The following TRAK2 variants were observed in gnomAD, a reference collection of about 807,000 sequenced individuals.
TRAK2 encodes trafficking kinesin-binding protein 2.
In TRAK2, 81 loss-of-function variants were observed where a neutral mutation model predicts 104.6. The ratio of observed to expected loss-of-function variants is 0.77; its 90% CI spans 0.65 to 0.93. The LOEUF is 0.93. Ranked by LOEUF, TRAK2 falls within the 40% of genes least tolerant of loss-of-function variation. TRAK2 has a pLI of 0.00. For missense variants in TRAK2, 1,002 were observed against 1,089.0 expected (o/e 0.92, Z 1.12); for synonymous variants, 406 against 394.4 (o/e 1.03, Z -0.35).
intron 1 of TRAK2, among the ~76,000 whole-genome samples, chr2:201,446,751 C>CA (rs1411224444): frequency 2.6e-5 from 4 of 152,150 alleles, no homozygotes; most frequent in Non-Finnish European, 5.9e-5. Context: ...AAAAGGTTGT[C>CA]AAAGAATTTG....
Position 201,407,520 on chromosome 2 carries a change from T to G in TRAK2, c.169A>C (p.Lys57Gln). The G allele has an allele frequency of 6.2e-7, 1 of 1,614,162 alleles. No homozygotes were observed. The highest frequency in any genetic ancestry group is 8.5e-7 in the Non-Finnish European group (1 of 1,180,010). ...LEEQLPQYRL[K>Q]VDTLFLYENQ... ...TCATATAGAAAGAGAGTGTCTACTT[T>G]TAGCCTATACTGTGGTAGTTGTTCT... Residue 57 changes from lysine to glutamine, a missense_variant, in exon 3 of 16, where the codon AAA (lysine) becomes CAA (glutamine). By Grantham distance (53) the Lys-to-Gln change is moderately conservative. Transcript: ENST00000332624.
intron 2 of TRAK2, among the ~76,000 whole-genome samples, chr2:201,417,199 A>G (rs983982076): frequency 5.4e-5 from 8 of 147,332 alleles, no homozygotes; most frequent in African/African-American, 1.7e-4. Context: ...TCGTTTTACA[A>G]GGCCAGTATT....
intron 1 of TRAK2, among the ~76,000 whole-genome samples, chr2:201,439,893 A>G (rs1951906460): frequency 7.5e-6 from 1 of 133,080 alleles, no homozygotes; most frequent in South Asian, 2.5e-4. Context: ...ATGAGAAAAC[A>G]TGGACACAGG....
At chr2:201,400,748 A>AT (rs945617497) in intron 4 of TRAK2, among the ~76,000 whole-genome samples, 55 of 150,424 alleles carry the variant, frequency 3.7e-4, no homozygotes, top group Admixed American at 8.0e-4. Context: ...TTTTAAAATG[A>AT]TTTTTTTTTT....
chr2:201,392,815 G>T, intron 10 of TRAK2, 94 bp downstream of exon 10: 1 of 1,250,882 alleles, frequency 8.0e-7, no homozygotes, highest in South Asian at 1.8e-5. Flanking sequence ...CTCTTCTCCA[G>T]ATGTTTTATA....
intron 1 of TRAK2, among the ~76,000 whole-genome samples, chr2:201,422,031 CA>C (rs1951745524): frequency 8.4e-6 from 1 of 119,110 alleles, no homozygotes; most frequent in South Asian, 2.7e-4. Context: ...GCCTGGGTGA[CA>C]GAGCAAGACT....
chr2:201,380,117 G>T lies in TRAK2; in HGVS notation c.*426C>A. ...GCTTACCCCACCAACCCCTCAGAAC[G>T]GCTTTCTATAAGCAATAAAACTGCT... On this transcript the variant is annotated 3_prime_UTR_variant, in exon 16 of 16. Transcript: ENST00000332624. 5.1e-6 allele frequency: 1 copy of T among 196,348 alleles called. No homozygotes were observed. The highest frequency in any genetic ancestry group is 1.1e-5 in the Non-Finnish European group (1 of 94,292). 12.2% of individuals were successfully genotyped at this position (196,348 alleles called of 1,614,324 possible).
At position 201,409,047 on chromosome 2, in the gene TRAK2, C is replaced by T. The variant is rs145707692; in HGVS notation, c.92-1450G>A. 1.9e-4 allele frequency among the ~76,000 whole-genome samples: 29 copies of T among 152,242 alleles called. No homozygotes were observed. In the East Asian group the frequency reaches 3.1e-3, roughly 16 times the overall value. ...AAAATCTTCCCTATCCTTCACATAA[C>T]ATAAATTTACTATGGTACAGTGATA... is the stretch of plus-strand genomic sequence containing the variant. On this transcript the variant is annotated intron_variant, in intron 2 of 15. Transcript: ENST00000332624.
chr2:201,428,908 G>C (rs1951816125), intron 1 of TRAK2, among the ~76,000 whole-genome samples: 1 of 152,076 alleles, frequency 6.6e-6, no homozygotes, highest in South Asian at 2.1e-4. Flanking sequence ...GGATTCCTAG[G>C]TATTTTATTC....
At chr2:201,423,037 CCACACACACACACACACACACA>C (rs142826543) in intron 1 of TRAK2, among the ~76,000 whole-genome samples, 1 of 134,150 alleles carries the variant, frequency 7.5e-6, no homozygotes, top group Non-Finnish European at 1.6e-5. Context: ...AACACCACCA[CCACACACACACACACACACACA>C]CACACACACA....
At chr2:201,432,593 T>C (rs1951850538) in intron 1 of TRAK2, among the ~76,000 whole-genome samples, 1 of 152,222 alleles carries the variant, frequency 6.6e-6, no homozygotes, top group Non-Finnish European at 1.5e-5. Context: ...ACATAAATAT[T>C]GCTGGCAGGA....
chr2:201,412,255 A>G (rs1347914190), intron 2 of TRAK2: 2 of 1,072,060 alleles, frequency 1.9e-6, no homozygotes, highest in African/African-American at 3.1e-5. Flanking sequence ...CAGTCCGTTG[A>G]AAAACTGTGA....
chr2:201,443,316 G>A (rs1430664050), intron 1 of TRAK2, among the ~76,000 whole-genome samples: 2 of 152,074 alleles, frequency 1.3e-5, no homozygotes, highest in Non-Finnish European at 2.9e-5. Context: ...TGTCATCTCT[G>A]GTTTATATTG....
intron 1 of TRAK2, among the ~76,000 whole-genome samples, chr2:201,443,703 C>T (rs896980045): frequency 3.3e-5 from 5 of 152,050 alleles, no homozygotes; most frequent in Admixed American, 1.3e-4. Flanking sequence ...ATCCTGTACA[C>T]CCTACTACCA....
At chr2:201,395,195 G>C in intron 8 of TRAK2, 119 bp downstream of exon 8, 1 of 802,810 alleles carries the variant, frequency 1.2e-6, no homozygotes, top group South Asian at 2.0e-5. Flanking sequence ...AATCAGATTA[G>C]GGCATTTTAA....
At chr2:201,427,313 TC>T in intron 1 of TRAK2, among the ~76,000 whole-genome samples, 1 of 141,060 alleles carries the variant, frequency 7.1e-6, no homozygotes. Context: ...TCTAATGCTA[TC>T]CCTCCCCCCT....
At chr2:201,425,959 T>C (rs934955072) in intron 1 of TRAK2, among the ~76,000 whole-genome samples, 1 of 152,238 alleles carries the variant, frequency 6.6e-6, no homozygotes, top group African/African-American at 2.4e-5. Context: ...GATTTGATTA[T>C]ACATTTACCA....
chr2:201,430,158 G>C (rs1263631690), intron 1 of TRAK2, among the ~76,000 whole-genome samples: 1 of 152,206 alleles, frequency 6.6e-6, no homozygotes, highest in Non-Finnish European at 1.5e-5. Context: ...TTGCAGAACA[G>C]CCAATGTTGC....
chr2:201,410,490 T>C (rs1951635947), intron 2 of TRAK2: 13 of 790,444 alleles, frequency 1.6e-5, no homozygotes, highest in Non-Finnish European at 2.1e-6. Context: ...TACATAAAGA[T>C]GTAAATCAGC....
Sources: allele counts gnomAD v4.1 joint callset (sites outside exome capture counted in the v4.1 genomes callset), GRCh38; gene constraint gnomAD v4.1.1; transcripts MANE v1.5; gene names NCBI Gene and HGNC (gene_info 2026-07-23, HGNC 2026-07-21).